The following NDUFB6 variants were observed in gnomAD, a reference collection of about 807,000 sequenced individuals.
NDUFB6 encodes the protein NADH:ubiquinone oxidoreductase subunit B6, also known as NADH dehydrogenase [ubiquinone] 1 beta subcomplex subunit 6.
Under a neutral mutation model 17.5 loss-of-function variants are expected in NDUFB6, and 23 were observed. That is an observed-to-expected ratio of 1.31 (90% CI 0.94 to 1.86). The LOEUF (loss-of-function observed/expected upper bound fraction) is 1.86. Among genes scored for constraint, NDUFB6 ranks in the 40% most tolerant of loss-of-function variants. NDUFB6 has a pLI of 0.00. For synonymous variants in NDUFB6, 60 were observed against 53.5 expected, an observed-to-expected ratio of 1.12 and a Z score of -0.53; for missense variants, 167 against 153.8, an observed-to-expected ratio of 1.09 and a Z score of -0.46.
intron 2 of NDUFB6, among the ~76,000 whole-genome samples, chr9:32,561,157 A>G (rs1306392047): frequency 6.6e-6 from 1 of 152,174 alleles, no homozygotes; most frequent in Non-Finnish European, 1.5e-5. Flanking sequence ...AGCCCTTTTT[A>G]ATAGTTGTAG....
chr9:32,558,956 T>A lies in NDUFB6; in HGVS notation c.274-2A>T. The A allele has an allele frequency of 1.3e-6, 2 of 1,579,994 alleles. No individual in the cohort carries two copies. The highest frequency in any genetic ancestry group is 1.7e-6 in the Non-Finnish European group (2 of 1,152,390). ...TTCAACTATGCCATATGGTTTTTCCTGTAATAAAAGTTAACTCTGTGTTAA... is the reference window on the plus strand; with the variant it reads ...TTCAACTATGCCATATGGTTTTTCCAGTAATAAAAGTTAACTCTGTGTTAA... On this transcript the variant is annotated splice_acceptor_variant, in intron 2 of 3. Coordinates refer to ENST00000379847, the MANE Select transcript of NDUFB6 (RefSeq NM_002493.5). LOFTEE classifies it high-confidence loss of function.
Position 32,570,992 on chromosome 9 carries a change from T to G in NDUFB6, c.241A>C (p.Ile81Leu). Residue 81 changes from isoleucine to leucine, a missense_variant, in exon 2 of 4, where the codon ATT becomes CTT. Coordinates refer to ENST00000379847, the MANE Select transcript of NDUFB6 (RefSeq NM_002493.5). ...VFTHVLVPVWIIHYYMKYHVS... is the reference protein window; with the variant it reads ...VFTHVLVPVWLIHYYMKYHVS... ...TGATACTTCATGTAATAATGAATAATCCAGACAGGTACAAGTACATGAGTG... is the reference window on the plus strand; with the variant it reads ...TGATACTTCATGTAATAATGAATAAGCCAGACAGGTACAAGTACATGAGTG... The G allele has an allele frequency of 6.2e-7, 1 of 1,603,358 alleles. No individual in the cohort carries two copies.
chr9:32,563,648 C>G (rs1164428580), intron 2 of NDUFB6, among the ~76,000 whole-genome samples: 2 of 152,032 alleles, frequency 1.3e-5, no homozygotes, highest in Non-Finnish European at 2.9e-5. Flanking sequence ...TTTGATGTTC[C>G]TTAGCTGAAT....
intron 1 of NDUFB6, among the ~76,000 whole-genome samples, chr9:32,572,579 T>C (rs1296776270): frequency 6.6e-6 from 1 of 152,230 alleles, no homozygotes. Flanking sequence ...TTGGTTATTA[T>C]TCTGAGGGAA....
chr9:32,559,095 C>T, intron 2 of NDUFB6, 141 bp from the exon 3 acceptor site: 1 of 526,618 alleles, frequency 1.9e-6, no homozygotes. Context: ...GTTTACTCAA[C>T]ATCTCTACTT....
At chr9:32,559,285 G>A (rs146170319) in intron 2 of NDUFB6, among the ~76,000 whole-genome samples, 3 of 152,082 alleles carry the variant, frequency 2.0e-5, no homozygotes, top group Non-Finnish European at 4.4e-5. Context: ...AATATACCCT[G>A]AATCCAACTG....
chr9:32,556,621 G>A (rs1325925937), intron 3 of NDUFB6, among the ~76,000 whole-genome samples: 1 of 152,178 alleles, frequency 6.6e-6, no homozygotes, highest in African/African-American at 2.4e-5. Flanking sequence ...ACAGAAATAT[G>A]AGAAATGCTA....
In NDUFB6 at chr9:32,573,105, C is replaced by T. The variant is rs929175686; in HGVS notation, c.-45G>A. The T allele has an allele frequency of 3.4e-6, 5 of 1,481,236 alleles. No individual in the cohort carries two copies. Among genetic ancestry groups the T allele is most frequent in the Admixed American group, 2.3e-5 (1 of 43,144 alleles). 91.8% of individuals were successfully genotyped at this position (1,481,236 alleles called of 1,614,324 possible). A position where few individuals can be genotyped will look rare whatever the true frequency, so the allele number is the denominator to read the frequency against. ...CAAAAGGACACGGCGCACCCTCGAA[C>T]TACGGACTAGTTACTTAAGCGCGCT... is the stretch of plus-strand genomic sequence containing the variant. On this transcript the variant is annotated 5_prime_UTR_variant, in exon 1 of 4. Transcript: ENST00000379847.
intron 2 of NDUFB6, among the ~76,000 whole-genome samples, chr9:32,562,717 A>G (rs1821659828): frequency 6.6e-6 from 1 of 152,204 alleles, no homozygotes; most frequent in South Asian, 2.1e-4. Context: ...CAAGATCAGG[A>G]AATTAACACT....
At chr9:32,566,834 C>T in intron 2 of NDUFB6, 1 of 884,128 alleles carries the variant, frequency 1.1e-6, no homozygotes, top group South Asian at 1.4e-5. Context: ...GGGGCCTGCT[C>T]ATCACACAGT....
At chr9:32,566,409 G>A (rs759268524) in intron 2 of NDUFB6, 3 of 894,310 alleles carry the variant, frequency 3.4e-6, no homozygotes, top group Admixed American at 3.4e-5. Flanking sequence ...TCCAGAAGAG[G>A]AGCCTGCTCT....
chr9:32,565,732 T>C lies in NDUFB6; in HGVS notation c.273+5228A>G, dbSNP rs181572428. ...CACGCCTGTAATCCCAGCACTTTGG[T>C]AGGCCGAGGCAGGTGGATCACCTGA... is the stretch of plus-strand genomic sequence containing the variant. On this transcript the variant is annotated intron_variant, in intron 2 of 3. Transcript: ENST00000379847. 816 of 153,768 alleles carry C rather than the reference T, an allele frequency of 5.3e-3. 6 individuals are homozygous for C. The highest frequency in any genetic ancestry group is 0.019 in the African/African-American group (775 of 41,534). The allele number at this position is 153,768 out of a possible 1,614,324, so 9.5% of individuals were successfully genotyped here.
intron 3 of NDUFB6, 43 bp downstream of exon 3, chr9:32,558,866 GA>G: frequency 7.5e-7 from 1 of 1,338,192 alleles, no homozygotes; most frequent in Non-Finnish European, 1.0e-6. Context: ...AAAGGAAAGA[GA>G]AAAACAATAA....
At chr9:32,567,441 GC>G (rs1050884303) in intron 2 of NDUFB6, 1 of 453,438 alleles carries the variant, frequency 2.2e-6, no homozygotes, top group African/African-American at 2.0e-5. Context: ...GGATTCTCCT[GC>G]CTCAGCCTCC....
At chr9:32,556,352 CT>C (rs1256173973) in intron 3 of NDUFB6, among the ~76,000 whole-genome samples, 1 of 152,152 alleles carries the variant, frequency 6.6e-6, no homozygotes, top group African/African-American at 2.4e-5. Context: ...AAATCATCCC[CT>C]GAGACATCCT....
In NDUFB6 at chr9:32,571,464, ACACT is replaced by A. The variant is rs200152058; in HGVS notation, c.181-416_181-413del. ...CATCTCCCTTATTTATTGATCAATGACACTCACATCATTTTAGGTATAAGGCAGA... is the reference window on the plus strand; with the variant it reads ...CATCTCCCTTATTTATTGATCAATGACACATCATTTTAGGTATAAGGCAGA... On this transcript the variant is annotated intron_variant, in intron 1 of 3. Transcript: ENST00000379847. Among the ~76,000 whole-genome samples, 1,328 of 152,340 alleles carry A rather than the reference ACACT, an allele frequency of 8.7e-3. 9 individuals carry two copies. Among genetic ancestry groups the A allele is most frequent in the Middle Eastern group, 0.031 (9 of 294 alleles).
chr9:32,566,118 G>A lies in NDUFB6; in HGVS notation c.273+4842C>T, dbSNP rs540226253. The A allele has an allele frequency of 5.5e-5, 29 of 529,572 alleles. 1 individual carries two copies. The highest frequency in any genetic ancestry group is 5.2e-4 in the South Asian group (18 of 34,894). The allele number at this position is 529,572 out of a possible 1,614,324, so 32.8% of individuals were successfully genotyped here. A position where few individuals can be genotyped will look rare whatever the true frequency, so the allele number is the denominator to read the frequency against. ...TAAAATTATGCCCACGACAGGCCTC[G>A]AACAAAGACGAGAATATGGTGTGTA... On this transcript the variant is annotated intron_variant, in intron 2 of 3. Coordinates refer to ENST00000379847, the MANE Select transcript of NDUFB6 (RefSeq NM_002493.5).
intron 2 of NDUFB6, among the ~76,000 whole-genome samples, chr9:32,565,875 G>T (rs575329200): frequency 6.6e-5 from 10 of 152,218 alleles, no homozygotes; most frequent in African/African-American, 2.4e-4. Flanking sequence ...GGGAGGTTGA[G>T]GCAGGAGAAT....
intron 2 of NDUFB6, chr9:32,566,420 C>T (rs1821790885): frequency 2.3e-6 from 2 of 866,482 alleles, no homozygotes; most frequent in African/African-American, 1.6e-5. Context: ...AGCCTGCTCT[C>T]CCTGTTACTG....
Sources: gnomAD v4.1 joint callset for allele counts (sites outside exome capture counted in the v4.1 genomes callset) on GRCh38, gnomAD v4.1.1 for gene constraint, MANE v1.5 for transcripts, NCBI Gene and HGNC (gene_info 2026-07-23, HGNC 2026-07-21) for gene names.